Variants in WDR44 observed in about 807,000 individuals in gnomAD.
The protein encoded by WDR44 is WD repeat-containing protein 44.
WDR44 carries 9 observed loss-of-function variants against 65.7 expected under a neutral mutation model. That is an observed-to-expected ratio of 0.14 (90% CI 0.08 to 0.24). The LOEUF (loss-of-function observed/expected upper bound fraction) is 0.24. WDR44 is among the 10% of genes least tolerant of loss of function. The pLI, the probability that WDR44 is intolerant of heterozygous loss-of-function variation, is 1.00. For missense variants in WDR44, 425 were observed against 670.9 expected, an observed-to-expected ratio of 0.63 and a Z score of 4.05; for synonymous variants, 220 against 235.2, an observed-to-expected ratio of 0.94 and a Z score of 0.59.
chrX:118,391,411 A>G (rs1414412508), intron 3 of WDR44, among the ~76,000 whole-genome samples: 3 of 112,060 alleles, frequency 2.7e-5, no homozygotes, highest in Non-Finnish European at 5.6e-5. Context: ...AACATATAGA[A>G]CATGCTAAGA....
chrX:118,401,509 A>T (rs2056914646), intron 8 of WDR44, among the ~76,000 whole-genome samples: 1 of 84,638 alleles, frequency 1.2e-5, no homozygotes, highest in African/African-American at 5.0e-5. Flanking sequence ...CCACTTTTTG[A>T]TGGGGTTGTT....
At chrX:118,366,195 A>T (rs957875293) in intron 1 of WDR44, among the ~76,000 whole-genome samples, 2 of 112,057 alleles carry the variant, frequency 1.8e-5, no homozygotes, top group African/African-American at 6.5e-5. Context: ...AGCCTTTTAC[A>T]TTATAATAAC....
intron 12 of WDR44, 107 bp downstream of exon 12, chrX:118,411,066 A>G (rs1363497673): frequency 1.6e-6 from 1 of 626,558 alleles, no homozygotes; most frequent in African/African-American, 2.3e-5. Context: ...GACACTTAAT[A>G]TAAAATTAAG....
At chrX:118,358,239 T>A (rs2056480469) in intron 1 of WDR44, among the ~76,000 whole-genome samples, 1 of 112,329 alleles carries the variant, frequency 8.9e-6, no homozygotes, top group South Asian at 3.7e-4. Flanking sequence ...TTTGTAGCCC[T>A]TGAATAAACA....
At chrX:118,355,302 G>A (rs749745598) in intron 1 of WDR44, among the ~76,000 whole-genome samples, 65 of 111,454 alleles carry the variant, frequency 5.8e-4, no homozygotes, top group Non-Finnish European at 1.1e-3. Context: ...AAACTGAGAA[G>A]GGTCAGTGAT....
In WDR44 at chrX:118,448,819, G is replaced by A. The variant is rs749790028; in HGVS notation, c.2648-74G>A. On this transcript the variant is annotated intron_variant, in intron 19 of 19. Coordinates refer to ENST00000254029, the MANE Select transcript of WDR44 (RefSeq NM_019045.5). ...CTCCCCTGAAGCTGGAGGGTCATGG[G>A]CATGTGATAATTGTGGCAGCAGGCT... The A allele has an allele frequency of 2.7e-5, 18 of 673,897 alleles. No homozygotes were observed. The African/African-American group carries it at 3.3e-4, about 12-fold the overall frequency. The allele number at this position is 673,897 out of a possible 1,213,427, so 55.5% of individuals were successfully genotyped here.
chrX:118,398,884 C>T (rs1056869018), intron 8 of WDR44, among the ~76,000 whole-genome samples: 1 of 110,741 alleles, frequency 9.0e-6, no homozygotes, highest in Non-Finnish European at 1.9e-5. Flanking sequence ...CCAGCCTGGG[C>T]GACAGAGCAA....
intron 10 of WDR44, among the ~76,000 whole-genome samples, chrX:118,408,109 CA>C (rs2056983038): frequency 8.9e-6 from 1 of 112,017 alleles, no homozygotes; most frequent in African/African-American, 3.2e-5. Context: ...CCAAATGACT[CA>C]TTTTTAATAC....
intron 4 of WDR44, 65 bp from the exon 5 acceptor site, chrX:118,393,990 A>G: frequency 1.9e-6 from 2 of 1,041,642 alleles, no homozygotes; most frequent in South Asian, 2.1e-5. Context: ...CACTTTCCTC[A>G]CAGGGTTGTT....
intron 8 of WDR44, among the ~76,000 whole-genome samples, chrX:118,402,260 C>A (rs890592989): frequency 2.8e-5 from 3 of 105,915 alleles, no homozygotes; most frequent in African/African-American, 1.0e-4. Flanking sequence ...ATGGTGAAAG[C>A]CCATCTCTAC....
At chrX:118,359,079 C>CA (rs34518844) in intron 1 of WDR44, among the ~76,000 whole-genome samples, 7 of 107,158 alleles carry the variant, frequency 6.5e-5, no homozygotes, top group Non-Finnish European at 5.8e-5. Context: ...ATCTCAAAAC[C>CA]AAAAAAAAAA....
chrX:118,437,878 A>G (rs1279102066), intron 14 of WDR44, among the ~76,000 whole-genome samples: 1 of 111,103 alleles, frequency 9.0e-6, no homozygotes, highest in Non-Finnish European at 1.9e-5. Flanking sequence ...TCTACTAAAA[A>G]TACAAACGTT....
chrX:118,365,462 G>A (rs1018474401), intron 1 of WDR44, among the ~76,000 whole-genome samples: 16 of 109,202 alleles, frequency 1.5e-4, no homozygotes, highest in Non-Finnish European at 2.7e-4. Context: ...AACCATGATC[G>A]TGCCACTGCA....
intron 19 of WDR44, 22 bp downstream of exon 19, chrX:118,444,516 A>AT (rs1208213015): frequency 1.2e-5 from 15 of 1,202,043 alleles, no homozygotes; most frequent in Non-Finnish European, 1.7e-5. Context: ...CTTGTCCTAT[A>AT]TTTTTTTCTA....
intron 1 of WDR44, among the ~76,000 whole-genome samples, chrX:118,352,352 A>ATATATATTTT (rs1357425730): frequency 7.0e-5 from 1 of 14,224 alleles, no homozygotes; most frequent in African/African-American, 3.7e-4. Context: ...ATATATATAT[A>ATATATATTTT]TTTTTTTTTT....
At chrX:118,388,428 A>C (rs1363728468) in intron 3 of WDR44, among the ~76,000 whole-genome samples, 3 of 111,052 alleles carry the variant, frequency 2.7e-5, no homozygotes, top group Non-Finnish European at 5.7e-5. Flanking sequence ...CTACAGGTGT[A>C]TGCCACCATG....
At position 118,392,643 on chromosome X, in the gene WDR44, T is replaced by C. The variant is rs372600330; in HGVS notation, c.198T>C (p.Ser66=). ...KQDVSKKIIE[S]IIEESQKVLQ... is the part of the protein sequence containing the mutation. ...AACCCTTTCATCAGATTATTGAAAG[T>C]ATTATTGAGGAGAGTCAGAAAGTAC... is the stretch of plus-strand genomic sequence containing the variant. Residue 66 remains serine (S), a synonymous_variant, in exon 4 of 20, where the codon AGT becomes AGC. Transcript: ENST00000254029. 189 of 1,188,161 alleles carry C rather than the reference T, an allele frequency of 1.6e-4. No homozygotes were observed. Among genetic ancestry groups the C allele is most frequent in the Non-Finnish European group, 2.0e-4 (181 of 884,057 alleles).
chrX:118,374,226 T>A, intron 1 of WDR44, among the ~76,000 whole-genome samples: 1 of 111,654 alleles, frequency 9.0e-6, no homozygotes, highest in Middle Eastern at 4.6e-3. Context: ...AGGAAAGTTT[T>A]GTGTGATAAT....
intron 13 of WDR44, 32 bp downstream of exon 13, chrX:118,432,926 T>A: frequency 1.8e-6 from 2 of 1,121,888 alleles, no homozygotes; most frequent in South Asian, 3.7e-5. Context: ...CATATAGTAA[T>A]TCTGCGTATA....
Sources: gnomAD v4.1 joint callset for allele counts (sites outside exome capture counted in the v4.1 genomes callset) on GRCh38, gnomAD v4.1.1 for gene constraint, MANE v1.5 for transcripts, NCBI Gene and HGNC (gene_info 2026-07-23, HGNC 2026-07-21) for gene names.